The following DHCR7 variants were observed in gnomAD, a reference collection of about 807,000 sequenced individuals.
DHCR7 encodes 7-DHC reductase.
A neutral mutation model predicts 43.3 loss-of-function variants in DHCR7; 40 were observed. That is an observed-to-expected ratio of 0.92 (90% CI 0.72 to 1.20). DHCR7 has a LOEUF of 1.20. DHCR7 is among the 50% of genes most tolerant of loss of function. The pLI is 0.00. For missense variants in DHCR7, 608 were observed against 644.6 expected, an observed-to-expected ratio of 0.94 and a Z score of 0.62; for synonymous variants, 298 against 271.4, an observed-to-expected ratio of 1.10 and a Z score of -0.96.
At chr11:71,441,009 A>G (rs955529002) in intron 6 of DHCR7, among the ~76,000 whole-genome samples, 7 of 152,134 alleles carry the variant, frequency 4.6e-5, no homozygotes, top group African/African-American at 1.7e-4. Context: ...ACCACAGCTG[A>G]CCTGGCCATC....
chr11:71,433,307 G>C (rs1326641847), downstream of DHCR7, among the ~76,000 whole-genome samples: 1 of 152,250 alleles, frequency 6.6e-6, no homozygotes, highest in African/African-American at 2.4e-5. Flanking sequence ...CTCGCCCAGA[G>C]AGAAGCTGGC....
intron 2 of DHCR7, among the ~76,000 whole-genome samples, 151 bp downstream of exon 2, chr11:71,447,459 A>T (rs568880040): frequency 1.3e-4 from 20 of 152,324 alleles, no homozygotes; most frequent in African/African-American, 4.8e-4. Flanking sequence ...GGGAACAGAC[A>T]AAGGGGAGGT....
Position 71,444,157 on chromosome 11 carries a change from T to C in DHCR7, c.157A>G (p.Ile53Val), listed in dbSNP as rs1186653102. 6.2e-7 allele frequency: 1 copy of C among 1,610,334 alleles called. No homozygotes were observed. The highest frequency in any genetic ancestry group is 8.5e-7 in the Non-Finnish European group (1 of 1,178,196). The change falls in exon 4 of 9, where the codon ATC becomes GTC. Residue 53 changes from isoleucine (I) to valine (V), a missense_variant. By Grantham distance (29) the Ile-to-Val change is conservative. Transcript: ENST00000355527. The part of the protein sequence containing the change: ...VIFLLLFAPF[I>V]VYYFIMACDQ... The stretch of plus-strand genomic sequence containing the variant: ...CAAGCCATGATGAAGTAGTAGACGA[T>C]GAAGGGGGCGAACAGCAGTAGGAAG...
chr11:71,433,227 G>A (rs1949239589), downstream of DHCR7, among the ~76,000 whole-genome samples: 1 of 152,240 alleles, frequency 6.6e-6, no homozygotes, highest in Non-Finnish European at 1.5e-5. Flanking sequence ...ACTGGGAACA[G>A]AATGCTCTCT....
chr11:71,445,386 T>TC (rs1279454227), intron 2 of DHCR7, among the ~76,000 whole-genome samples: 1 of 152,242 alleles, frequency 6.6e-6, no homozygotes, highest in East Asian at 1.9e-4. Context: ...TTTGCAGGTG[T>TC]CCTTGTTCAG....
intron 6 of DHCR7, among the ~76,000 whole-genome samples, chr11:71,440,452 G>T (rs1949336399): frequency 6.6e-6 from 1 of 150,792 alleles, no homozygotes; most frequent in African/African-American, 2.4e-5. Context: ...TGGATGGGCA[G>T]GTGGATGAGA....
intron 7 of DHCR7, among the ~76,000 whole-genome samples, chr11:71,438,357 C>A (rs537996768): frequency 2.7e-4 from 41 of 152,296 alleles, no homozygotes; most frequent in African/African-American, 9.1e-4. Context: ...TCCGAATGCA[C>A]CTGATCGCTG....
downstream of DHCR7, among the ~76,000 whole-genome samples, chr11:71,431,347 C>A (rs1949226747): frequency 6.6e-6 from 1 of 152,254 alleles, no homozygotes; most frequent in Admixed American, 6.5e-5. Flanking sequence ...AGGCTTTAAA[C>A]TGTCTTTGGC....
At chr11:71,447,348 T>C (rs1949415756) in intron 2 of DHCR7, among the ~76,000 whole-genome samples, 1 of 152,240 alleles carries the variant, frequency 6.6e-6, no homozygotes, top group Non-Finnish European at 1.5e-5. Flanking sequence ...GAAGTACTTT[T>C]AGCTTATTAC....
chr11:71,442,999 T>C (rs1182979130), intron 4 of DHCR7, among the ~76,000 whole-genome samples: 1 of 152,268 alleles, frequency 6.6e-6, no homozygotes, highest in Non-Finnish European at 1.5e-5. Context: ...CTGAGCTTTC[T>C]GCCTCTGTGG....
intron 2 of DHCR7, among the ~76,000 whole-genome samples, chr11:71,447,072 C>T (rs1294648100): frequency 1.3e-5 from 2 of 152,310 alleles, no homozygotes; most frequent in East Asian, 1.9e-4. Context: ...CCACTCCCTC[C>T]GATCCCTAGT....
chr11:71,440,450 C>T, intron 6 of DHCR7, among the ~76,000 whole-genome samples: 1 of 114,400 alleles, frequency 8.7e-6, no homozygotes, highest in Non-Finnish European at 1.7e-5. Flanking sequence ...GGTGGATGGG[C>T]AGGTGGATGA....
intron 6 of DHCR7, among the ~76,000 whole-genome samples, chr11:71,440,762 A>G (rs1332850662): frequency 6.6e-6 from 1 of 151,832 alleles, no homozygotes; most frequent in Non-Finnish European, 1.5e-5. Flanking sequence ...TGAATGGATG[A>G]GTGGACAGAG....
At position 71,445,375 on chromosome 11, in the gene DHCR7, G is replaced by A. The variant is rs576374969; in HGVS notation, c.-6-417C>T. Reference sequence around the variant, plus strand: ...CACTGACTTCCTCTGCTTAGAGCACGTTTGCAGGTGTCCTTGTTCAGGGCT... The same window carrying A: ...CACTGACTTCCTCTGCTTAGAGCACATTTGCAGGTGTCCTTGTTCAGGGCT... On this transcript the variant is annotated intron_variant, in intron 2 of 8. Coordinates refer to ENST00000355527, the MANE Select transcript of DHCR7 (RefSeq NM_001360.3). Among the ~76,000 whole-genome samples, 101 of 152,206 alleles carry A rather than the reference G, an allele frequency of 6.6e-4. 1 individual carries two copies. The highest frequency in any genetic ancestry group is 1.6e-3 in the Admixed American group (24 of 15,284).
intron 4 of DHCR7, among the ~76,000 whole-genome samples, chr11:71,443,686 C>T (rs576363566): frequency 1.2e-4 from 19 of 152,330 alleles, no homozygotes; most frequent in Admixed American, 2.6e-4. Flanking sequence ...TTCCTCAGGA[C>T]AGCACTGCCC....
At chr11:71,444,985 T>C in intron 2 of DHCR7, 27 bp from the exon 3 acceptor site, 1 of 1,591,624 alleles carries the variant, frequency 6.3e-7, no homozygotes, top group Non-Finnish European at 8.6e-7. Flanking sequence ...CTTGCTTACA[T>C]TATCCCTCAA....
chr11:71,442,214 G>A (rs751704854), intron 5 of DHCR7, 49 bp downstream of exon 5: 10 of 1,392,222 alleles, frequency 7.2e-6, no homozygotes, highest in East Asian at 2.3e-5. Context: ...GCCCCTGAGA[G>A]AAAGGGATGA....
At position 71,435,461 on chromosome 11, in the gene DHCR7, C is replaced by G. The variant is rs80338864; in HGVS notation, c.1342G>C (p.Glu448Gln). Residue 448 changes from glutamate to glutamine, a missense_variant, in exon 9 of 9, where the codon GAG (glutamate) becomes CAG (glutamine). Physicochemically the swap from Glu to Gln is conservative, Grantham distance 29 (BLOSUM62 2). Transcript: ENST00000355527. Reference protein sequence around the residue: ...ILLTHRCLRDEHRCASKYGRD... With the variant: ...ILLTHRCLRDQHRCASKYGRD... ...CCGTACTTGCTGGCGCAGCGGTGCT[C>G]GTCCCGGAGGCAGCGGTGGGTCAGC... is the stretch of plus-strand genomic sequence containing the variant. 5 of 1,612,504 alleles carry G rather than the reference C, an allele frequency of 3.1e-6. No homozygotes were observed. The Admixed American group carries it at 8.3e-5, about 27-fold the overall frequency.
At chr11:71,439,644 G>A (rs1324193699) in intron 6 of DHCR7, among the ~76,000 whole-genome samples, 2 of 152,162 alleles carry the variant, frequency 1.3e-5, no homozygotes, top group East Asian at 1.9e-4. Flanking sequence ...CCCAATCCCC[G>A]GAGGGCCAGA....
Sources: allele counts gnomAD v4.1 joint callset (sites outside exome capture counted in the v4.1 genomes callset), GRCh38; gene constraint gnomAD v4.1.1; transcripts MANE v1.5; gene names NCBI Gene and HGNC (gene_info 2026-07-23, HGNC 2026-07-21).